The following RFX4 variants were observed in gnomAD, a reference collection of about 807,000 sequenced individuals.
RFX4 encodes regulatory factor X4.
Under a neutral mutation model 95.0 loss-of-function variants are expected in RFX4, and 10 were observed. The ratio of observed to expected loss-of-function variants is 0.11; its 90% CI spans 0.06 to 0.18. RFX4 has a LOEUF of 0.18. Ranked by LOEUF, RFX4 falls within the 10% of genes least tolerant of loss-of-function variation. The probability of loss-of-function intolerance (pLI) is 1.00; values close to 1 mark genes in which losing one functional copy is unlikely to be tolerated. For missense variants in RFX4, 640 were observed against 922.0 expected (o/e 0.69, Z 3.96); for synonymous variants, 321 against 340.7 (o/e 0.94, Z 0.64).
rs575705469 is a variant in RFX4, at chr12:106,727,870, C to T, written c.1352-4260C>T. Among the ~76,000 whole-genome samples, 169 of 152,298 alleles carry T rather than the reference C, an allele frequency of 1.1e-3. 2 individuals carry two copies. Among genetic ancestry groups the T allele is most frequent in the East Asian group, 6.0e-3 (31 of 5,178 alleles). On this transcript the variant is annotated intron_variant, in intron 13 of 17. Coordinates refer to ENST00000392842, the MANE Select transcript of RFX4 (RefSeq NM_213594.3). ...TCCTGACATCATGATCTGCCCGCCT[C>T]GGCCTCCCAAAGTGCTGGGATTACA...
chr12:106,636,739 A>G (rs1389673543), intron 2 of RFX4, among the ~76,000 whole-genome samples: 1 of 152,182 alleles, frequency 6.6e-6, no homozygotes, highest in Non-Finnish European at 1.5e-5. Context: ...AGAATACCCA[A>G]TGAAAGGAGG....
At chr12:106,599,106 G>A (rs1488439328) in intron 1 of RFX4, among the ~76,000 whole-genome samples, 1 of 151,482 alleles carries the variant, frequency 6.6e-6, no homozygotes, top group Non-Finnish European at 1.5e-5. Context: ...AAGACTCTTG[G>A]TGAGTTCATG....
At chr12:106,708,042 G>A (rs995037496) in intron 8 of RFX4, among the ~76,000 whole-genome samples, 1 of 152,174 alleles carries the variant, frequency 6.6e-6, no homozygotes, top group Non-Finnish European at 1.5e-5. Flanking sequence ...GCTGAGGCAC[G>A]AGAGTCATTT....
chr12:106,584,672 G>C lies in RFX4; in HGVS notation c.43+1309G>C, dbSNP rs570241083. Reference sequence around the variant, plus strand: ...CATTGCCCCAGAAGGTCTTTCCTCGGTCCCTGCAGAAATATTTAAGGCCTC... The same window carrying C: ...CATTGCCCCAGAAGGTCTTTCCTCGCTCCCTGCAGAAATATTTAAGGCCTC... On this transcript the variant is annotated intron_variant, in intron 1 of 17. Coordinates refer to ENST00000392842, the MANE Select transcript of RFX4 (RefSeq NM_213594.3). Among the ~76,000 whole-genome samples, 4 of 152,368 alleles carry C rather than the reference G, an allele frequency of 2.6e-5. No individual in the cohort carries two copies. The East Asian group carries it at 7.7e-4, about 29-fold the overall frequency.
At chr12:106,648,321 A>T (rs2040789333) in intron 3 of RFX4, among the ~76,000 whole-genome samples, 1 of 152,146 alleles carries the variant, frequency 6.6e-6, no homozygotes, top group African/African-American at 2.4e-5. Flanking sequence ...TCTCAGGAGC[A>T]GGAAACGATC....
chr12:106,686,835 CTCTCTTT>C, intron 5 of RFX4, 42 bp from the exon 6 acceptor site: 1 of 1,509,294 alleles, frequency 6.6e-7, no homozygotes, highest in African/African-American at 1.6e-5. Context: ...ATGTGGGTCT[CTCTCTTT>C]TTTTTTTTTT....
intron 17 of RFX4, among the ~76,000 whole-genome samples, chr12:106,758,801 G>A (rs540768428): frequency 5.5e-4 from 84 of 152,306 alleles, no homozygotes; most frequent in East Asian, 9.7e-4. Context: ...TGAGGAAAGC[G>A]TGCTCCCCAA....
At chr12:106,667,761 A>AT (rs2041205560) in intron 4 of RFX4, among the ~76,000 whole-genome samples, 1 of 152,048 alleles carries the variant, frequency 6.6e-6, no homozygotes, top group Non-Finnish European at 1.5e-5. Context: ...AGAATTGTTG[A>AT]TTTTTCAGTT....
At chr12:106,661,452 C>A (rs983377010) in intron 4 of RFX4, among the ~76,000 whole-genome samples, 1 of 152,170 alleles carries the variant, frequency 6.6e-6, no homozygotes, top group Admixed American at 6.5e-5. Flanking sequence ...TTCTCATATA[C>A]CCCGTCCCTA....
chr12:106,733,038 C>G lies in RFX4; in HGVS notation c.1586C>G (p.Ser529Cys). The G allele has an allele frequency of 6.2e-7, 1 of 1,614,216 alleles. No homozygotes were observed. The highest frequency in any genetic ancestry group is 8.5e-7 in the Non-Finnish European group (1 of 1,180,020). The change falls in exon 15 of 18, where the codon TCC (serine) becomes TGC (cysteine). Residue 529 changes from serine to cysteine, a missense_variant. Ser to Cys is a moderately radical substitution (Grantham distance 112, BLOSUM62 -1). This residue lies in a region of RFX4 where 300 missense variants were observed against 346.8 expected (regional missense o/e 0.87). Transcript: ENST00000392842. ...TCTGTGGAAGTGCCACCTCCCTCTT[C>G]CCCTGTTAGCAATCCTTCCCCTGAG... Reference protein sequence around the residue: ...ATSVEVPPPSSPVSNPSPEYT... With the variant: ...ATSVEVPPPSCPVSNPSPEYT...
intron 15 of RFX4, among the ~76,000 whole-genome samples, chr12:106,738,449 G>A (rs2042750708): frequency 6.6e-6 from 1 of 152,114 alleles, no homozygotes; most frequent in South Asian, 2.1e-4. Flanking sequence ...CAATGTGGAG[G>A]CCTCAAGTTA....
chr12:106,725,313 C>A lies in RFX4; in HGVS notation c.1351+4437C>A, dbSNP rs2042472731. On this transcript the variant is annotated intron_variant, in intron 13 of 17. Coordinates refer to ENST00000392842, the MANE Select transcript of RFX4 (RefSeq NM_213594.3). ...ACCATGAGTCAAGGAGGCGCACAGACCCCAATTGTTAATGGACGGCACATC... is the reference window on the plus strand; with the variant it reads ...ACCATGAGTCAAGGAGGCGCACAGAACCCAATTGTTAATGGACGGCACATC... Among the ~76,000 whole-genome samples the A allele has an allele frequency of 3.3e-5, 5 of 152,140 alleles. No homozygotes were observed. In the South Asian group the frequency reaches 1.0e-3, roughly 32 times the overall value.
At chr12:106,625,332 A>G (rs1432147175) in intron 2 of RFX4, among the ~76,000 whole-genome samples, 2 of 152,214 alleles carry the variant, frequency 1.3e-5, no homozygotes, top group African/African-American at 4.8e-5. Context: ...ATATTTTTTG[A>G]TGGAATGCAG....
chr12:106,592,705 G>A (rs2039566375), intron 1 of RFX4, among the ~76,000 whole-genome samples: 1 of 150,460 alleles, frequency 6.6e-6, no homozygotes, highest in South Asian at 2.1e-4. Context: ...TTGGTTTTCA[G>A]GAAGTAGAAA....
intron 15 of RFX4, among the ~76,000 whole-genome samples, chr12:106,734,521 A>G (rs1007629636): frequency 1.3e-5 from 2 of 151,764 alleles, no homozygotes; most frequent in Non-Finnish European, 2.9e-5. Flanking sequence ...GCTTGAACCC[A>G]GGAGGTGGAG....
chr12:106,683,693 C>G (rs1471126076), intron 5 of RFX4: 1 of 152,128 alleles, frequency 6.6e-6, no homozygotes, highest in African/African-American at 2.4e-5. Flanking sequence ...TTATTTTTCT[C>G]CAGCTCTTGG....
chr12:106,697,070 A>G (rs2041894527), intron 8 of RFX4, among the ~76,000 whole-genome samples: 1 of 152,026 alleles, frequency 6.6e-6, no homozygotes, highest in Non-Finnish European at 1.5e-5. Context: ...TTCCTGTGAG[A>G]TTGTGTTGAG....
chr12:106,675,993 G>A (rs578152203), intron 4 of RFX4, among the ~76,000 whole-genome samples: 3 of 152,306 alleles, frequency 2.0e-5, no homozygotes, highest in East Asian at 1.9e-4. Flanking sequence ...GGGGCATGAC[G>A]GGAAGCAGGG....
intron 4 of RFX4, among the ~76,000 whole-genome samples, chr12:106,672,763 T>TAAAA (rs58826004): frequency 1.8e-4 from 23 of 130,896 alleles, no homozygotes; most frequent in African/African-American, 4.8e-4. Context: ...AAGAAACACT[T>TAAAA]AAAAAAAAAA....
Sources: gnomAD v4.1 joint callset for allele counts (sites outside exome capture counted in the v4.1 genomes callset) on GRCh38, gnomAD v4.1.1 for gene constraint, gnomAD v4.1.1 regional missense constraint, MANE v1.5 for transcripts, NCBI Gene and HGNC (gene_info 2026-07-23, HGNC 2026-07-21) for gene names.